The following FOXJ3 variants were observed in gnomAD, a reference collection of about 807,000 sequenced individuals.
The protein encoded by FOXJ3 is forkhead box J3.
A neutral mutation model predicts 76.1 loss-of-function variants in FOXJ3; 22 were observed. The ratio of observed to expected loss-of-function variants is 0.29; its 90% confidence interval spans 0.21 to 0.41. FOXJ3 has a LOEUF of 0.41. Ranked by LOEUF, FOXJ3 falls within the 10% of genes least tolerant of loss-of-function variation. The pLI is 1.00. For synonymous variants in FOXJ3, 269 were observed against 261.2 expected, an observed-to-expected ratio of 1.03 and a Z score of -0.29; for missense variants, 613 against 762.1, an observed-to-expected ratio of 0.80 and a Z score of 2.30.
intron 3 of FOXJ3, 106 bp downstream of exon 3, chr1:42,278,242 C>T (rs1652441566): frequency 4.6e-6 from 4 of 877,860 alleles, no homozygotes; most frequent in Admixed American, 2.7e-5. Flanking sequence ...CACTAGAGAT[C>T]AAAATTTCAT....
chr1:42,318,982 G>A (rs1308261058), intron 1 of FOXJ3, among the ~76,000 whole-genome samples: 1 of 152,188 alleles, frequency 6.6e-6, no homozygotes, highest in East Asian at 1.9e-4. Flanking sequence ...TGTAATCCCA[G>A]CACTGTGGGA....
At chr1:42,293,149 T>C (rs555271921) in intron 2 of FOXJ3, among the ~76,000 whole-genome samples, 1 of 152,212 alleles carries the variant, frequency 6.6e-6, no homozygotes, top group South Asian at 2.1e-4. Flanking sequence ...TAAGTAAAGA[T>C]TTCTCAGCTT....
At position 42,311,056 on chromosome 1, in the gene FOXJ3, G is replaced by T; in HGVS notation, c.38C>A (p.Ser13Ter). ...LYGQACPSVT[S>*]LRMTSELESS... ...AAAAAAAAAGAGCACTCACCTTAATGAAGTTACAGATGGACAAGCCTGTCC... is the reference window on the plus strand; with the variant it reads ...AAAAAAAAAGAGCACTCACCTTAATTAAGTTACAGATGGACAAGCCTGTCC... The change falls in exon 2 of 13, where the codon TCA becomes TAA. Residue 13 changes from serine to a stop codon, truncating the protein, a stop_gained. Transcript: ENST00000361346. LOFTEE classifies it high-confidence loss of function. 1 of 1,581,564 alleles carries T rather than the reference G, an allele frequency of 6.3e-7. No homozygotes were observed. The highest frequency in any genetic ancestry group is 8.6e-7 in the Non-Finnish European group (1 of 1,166,394).
At chr1:42,234,523 T>C (rs1191521201) in intron 4 of FOXJ3, among the ~76,000 whole-genome samples, 3 of 152,160 alleles carry the variant, frequency 2.0e-5, no homozygotes, top group Admixed American at 2.0e-4. Context: ...TTCCCCATCT[T>C]TGTGGTTTTG....
chr1:42,181,970 G>A lies in FOXJ3; in HGVS notation c.1700C>T (p.Pro567Leu). 1.2e-6 allele frequency: 2 copies of A among 1,613,348 alleles called. No individual in the cohort carries two copies. Among genetic ancestry groups the A allele is most frequent in the African/African-American group, 2.7e-5 (2 of 74,984 alleles). Residue 567 changes from proline to leucine, a missense_variant, in exon 12 of 13, where the codon CCT becomes CTT. Pro to Leu is a moderately conservative substitution (Grantham distance 98). Around this residue, in one of 3 missense-constraint regions of FOXJ3, gnomAD observed 526 missense variants for 601.4 expected, o/e 0.87. Transcript: ENST00000361346. ...TGCCTGTGGGATATGAGGATAACCA[G>A]GGGGTGGCATCACTGAAGGAGGGAG... ...QNLPPSVMPPPGYPHIPQALS... is the reference protein window; with the variant it reads ...QNLPPSVMPPLGYPHIPQALS...
intron 2 of FOXJ3, among the ~76,000 whole-genome samples, chr1:42,300,380 C>T (rs1352043397): frequency 1.3e-5 from 2 of 152,092 alleles, no homozygotes; most frequent in Non-Finnish European, 2.9e-5. Flanking sequence ...ATTTCTTATA[C>T]GATCAGTATA....
chr1:42,295,519 CTT>C (rs34641810), intron 2 of FOXJ3, among the ~76,000 whole-genome samples: 1 of 79,072 alleles, frequency 1.3e-5, no homozygotes, highest in Non-Finnish European at 2.3e-5. Flanking sequence ...CTACAAGTGT[CTT>C]TTTTTTTTTT....
chr1:42,300,603 T>C (rs1031348130), intron 2 of FOXJ3, among the ~76,000 whole-genome samples: 37 of 151,978 alleles, frequency 2.4e-4, no homozygotes, highest in Non-Finnish European at 7.4e-5. Context: ...CAGCAAAACC[T>C]TGTCTCTACA....
intron 3 of FOXJ3, among the ~76,000 whole-genome samples, chr1:42,268,959 T>C (rs912388497): frequency 2.0e-5 from 3 of 152,156 alleles, no homozygotes; most frequent in Non-Finnish European, 4.4e-5. Flanking sequence ...AATGGGATCA[T>C]CTATGAGCCA....
At chr1:42,183,262 A>AGAGAGAG (rs1491339166) in intron 11 of FOXJ3, among the ~76,000 whole-genome samples, 1 of 131,572 alleles carries the variant, frequency 7.6e-6, no homozygotes, top group Non-Finnish European at 1.6e-5. Context: ...TCAAAAGAGA[A>AGAGAGAG]GAGAGAGGAG....
intron 4 of FOXJ3, among the ~76,000 whole-genome samples, chr1:42,249,100 G>T (rs1649805869): frequency 6.6e-6 from 1 of 152,094 alleles, no homozygotes; most frequent in South Asian, 2.1e-4. Context: ...TTTTACGGCT[G>T]CATAGTATTC....
intron 2 of FOXJ3, among the ~76,000 whole-genome samples, chr1:42,296,132 C>T (rs1034184941): frequency 6.6e-6 from 1 of 152,134 alleles, no homozygotes; most frequent in African/African-American, 2.4e-5. Flanking sequence ...TGTTTGTTGG[C>T]ACTTGTATTT....
At position 42,178,964 on chromosome 1, in the gene FOXJ3, T is replaced by C. The variant is rs1438570039; in HGVS notation, c.*746A>G. 6.6e-6 allele frequency: 1 copy of C among 152,588 alleles called. No homozygotes were observed. The highest frequency in any genetic ancestry group is 1.5e-5 in the Non-Finnish European group (1 of 68,018). 9.5% of individuals were successfully genotyped at this position (152,588 alleles called of 1,614,324 possible). On this transcript the variant is annotated 3_prime_UTR_variant, in exon 13 of 13. Transcript: ENST00000361346. ...GTTTAAAGAGCCAAGCAATGCCCAA[T>C]TTCTTACCAATCAACAAATTTTAGA...
At chr1:42,274,203 G>C (rs1411705876) in intron 3 of FOXJ3, among the ~76,000 whole-genome samples, 1 of 152,016 alleles carries the variant, frequency 6.6e-6, no homozygotes, top group East Asian at 1.9e-4. Context: ...AGTACCCAGG[G>C]GTAAAGCCAG....
chr1:42,199,328 A>C (rs979154573), intron 6 of FOXJ3, 98 bp from the exon 7 acceptor site: 2 of 1,001,006 alleles, frequency 2.0e-6, no homozygotes, highest in Non-Finnish European at 3.0e-6. Flanking sequence ...AGAAGAAAAA[A>C]ATCTCAGTGG....
intron 2 of FOXJ3, among the ~76,000 whole-genome samples, chr1:42,291,077 G>GACAGAC (rs1205735585): frequency 1.3e-5 from 2 of 150,746 alleles, no homozygotes; most frequent in Non-Finnish European, 3.0e-5. Flanking sequence ...TAGATAGATA[G>GACAGAC]ATAGATAGAC....
chr1:42,234,823 CCAG>C (rs1648467392), intron 4 of FOXJ3, among the ~76,000 whole-genome samples: 1 of 152,122 alleles, frequency 6.6e-6, no homozygotes, highest in Non-Finnish European at 1.5e-5. Flanking sequence ...GGGGTGCCTC[CCAG>C]TTAGGCTACT....
At chr1:42,326,015 C>CT (rs1255565409) in intron 1 of FOXJ3, among the ~76,000 whole-genome samples, 1 of 152,170 alleles carries the variant, frequency 6.6e-6, no homozygotes, top group African/African-American at 2.4e-5. Flanking sequence ...AATCCCAGCA[C>CT]TTTGGGAGGC....
In FOXJ3 at chr1:42,194,905, A is replaced by C; in HGVS notation, c.919T>G (p.Ser307Ala). 6.3e-7 allele frequency: 1 copy of C among 1,591,278 alleles called. No individual in the cohort carries two copies. Among genetic ancestry groups the C allele is most frequent in the Non-Finnish European group, 8.5e-7 (1 of 1,172,502 alleles). Residue 307 changes from serine to alanine, a missense_variant, in exon 8 of 13, where the codon TCA becomes GCA. Physicochemically the swap from Ser to Ala is moderately conservative, Grantham distance 99. Transcript: ENST00000361346. ...GAAAACTCACCTTGTTGACTAAGTG[A>C]CTGCTCAAAAACTGACTTATAAAGG... ...RSLYKSVFEQSLSQQGLMNIP... is the reference protein window; with the variant it reads ...RSLYKSVFEQALSQQGLMNIP...
Sources: gnomAD v4.1 joint callset for allele counts (sites outside exome capture counted in the v4.1 genomes callset) on GRCh38, gnomAD v4.1.1 for gene constraint, gnomAD v4.1.1 regional missense constraint, MANE v1.5 for transcripts, NCBI Gene and HGNC (gene_info 2026-07-23, HGNC 2026-07-21) for gene names.